The following CASR variants were observed in gnomAD, a reference collection of about 807,000 sequenced individuals.
CASR encodes the protein calcium sensing receptor.
Under a neutral mutation model 69.1 loss-of-function variants are expected in CASR, and 23 were observed. The ratio of observed to expected loss-of-function variants is 0.33; its 90% CI spans 0.24 to 0.47. The LOEUF is 0.47. Ranked by LOEUF, CASR falls within the 20% of genes least tolerant of loss-of-function variation. The pLI is 1.00. For synonymous variants in CASR, 541 were observed against 544.7 expected, an observed-to-expected ratio of 0.99 and a Z score of 0.10; for missense variants, 924 against 1,356.1, an observed-to-expected ratio of 0.68 and a Z score of 5.00.
intron 1 of CASR, among the ~76,000 whole-genome samples, chr3:122,210,594 A>C (rs4678120): frequency 0.9 from 137,203 of 151,996 alleles, 62,364 homozygotes; most frequent in Admixed American, 0.93. Flanking sequence ...AGAGAGGACA[A>C]AAACAAATAT....
chr3:122,258,751 G>A (rs550514170), intron 3 of CASR, among the ~76,000 whole-genome samples: 4 of 152,112 alleles, frequency 2.6e-5, no homozygotes, highest in African/African-American at 9.7e-5. Flanking sequence ...TACAGTAGGG[G>A]TTCTCTGCCA....
In CASR at chr3:122,285,210, G is replaced by C; in HGVS notation, c.*19G>C. 6.2e-7 allele frequency: 1 copy of C among 1,611,748 alleles called. No homozygotes were observed. ...TTCATAAAATGGAAGGAGAAGACTGGGCTAGGGAGAATGCAGAGAGGTTTC... is the reference window on the plus strand; with the variant it reads ...TTCATAAAATGGAAGGAGAAGACTGCGCTAGGGAGAATGCAGAGAGGTTTC... On this transcript the variant is annotated 3_prime_UTR_variant, in exon 7 of 7. Transcript: ENST00000639785.
chr3:122,283,877 C>A lies in CASR; in HGVS notation c.1923C>A (p.Pro641=). ...LGVFIKFRNT[P]IVKATNRELS... The stretch of plus-strand genomic sequence containing the variant: ...TGTTTATCAAGTTCCGCAACACACC[C>A]ATTGTCAAGGCCACCAACCGAGAGC... The change falls in exon 7 of 7, where the codon CCC becomes CCA. Residue 641 remains proline, a synonymous_variant. Coordinates refer to ENST00000639785, the MANE Select transcript of CASR (RefSeq NM_000388.4). The A allele has an allele frequency of 1.2e-6, 2 of 1,613,882 alleles. No homozygotes were observed. Among genetic ancestry groups the A allele is most frequent in the East Asian group, 2.2e-5 (1 of 44,874 alleles).
chr3:122,246,930 G>A (rs1203997091), intron 1 of CASR: 1 of 152,228 alleles, frequency 6.6e-6, no homozygotes, highest in Non-Finnish European at 1.5e-5. Context: ...ACCAGAGAAT[G>A]ACTTCAAAGT....
rs1339304346 is a variant in CASR, at chr3:122,283,919, C to T, written c.1965C>T (p.Leu655=). ...ACCGAGAGCTCTCCTACCTCCTCCTCTTCTCCCTGCTCTGCTGCTTCTCCA... is the reference window on the plus strand; with the variant it reads ...ACCGAGAGCTCTCCTACCTCCTCCTTTTCTCCCTGCTCTGCTGCTTCTCCA... ...ATNRELSYLL[L]FSLLCCFSSS... Residue 655 remains leucine, a synonymous_variant, in exon 7 of 7, where the codon CTC becomes CTT. Coordinates refer to ENST00000639785, the MANE Select transcript of CASR (RefSeq NM_000388.4). The T allele has an allele frequency of 7.4e-6, 12 of 1,613,636 alleles. No homozygotes were observed. The highest frequency in any genetic ancestry group is 1.7e-5 in the Admixed American group (1 of 60,010).
chr3:122,280,326 A>G (rs2074873601), intron 5 of CASR, among the ~76,000 whole-genome samples: 1 of 152,322 alleles, frequency 6.6e-6, no homozygotes, highest in East Asian at 1.9e-4. Flanking sequence ...CACCACTCTT[A>G]TTCAACATAA....
chr3:122,247,713 G>A (rs374951403), intron 1 of CASR: 24 of 152,416 alleles, frequency 1.6e-4, no homozygotes, highest in East Asian at 1.2e-3. Context: ...TCCAGGCCGC[G>A]GATGGGACAG....
intron 1 of CASR, among the ~76,000 whole-genome samples, chr3:122,203,439 A>T (rs562609306): frequency 6.6e-6 from 1 of 152,250 alleles, no homozygotes; most frequent in Non-Finnish European, 1.5e-5. Flanking sequence ...AATTGCTCCT[A>T]GGCTACAAAC....
In CASR at chr3:122,271,313, T is replaced by A. The variant is rs528562036; in HGVS notation, c.1378-4499T>A. On this transcript the variant is annotated intron_variant, in intron 4 of 6. Coordinates refer to ENST00000639785, the MANE Select transcript of CASR (RefSeq NM_000388.4). ...CAGTTCCTGCTTTAGAGAAGTTTGGTCTAATGAAGTGTGGGTACAACATTC... is the reference window on the plus strand; with the variant it reads ...CAGTTCCTGCTTTAGAGAAGTTTGGACTAATGAAGTGTGGGTACAACATTC... 3.3e-5 allele frequency among the ~76,000 whole-genome samples: 5 copies of A among 152,330 alleles called. No homozygotes were observed. The South Asian group carries it at 1.0e-3, about 32-fold the overall frequency.
intron 1 of CASR, among the ~76,000 whole-genome samples, chr3:122,190,111 G>A (rs974406622): frequency 1.3e-5 from 2 of 152,112 alleles, no homozygotes; most frequent in Admixed American, 1.3e-4. Context: ...ATGGTGGTGG[G>A]AGTGACACTC....
At chr3:122,250,061 T>C (rs2074467556) in intron 1 of CASR, among the ~76,000 whole-genome samples, 2 of 151,850 alleles carry the variant, frequency 1.3e-5, no homozygotes, top group African/African-American at 4.8e-5. Flanking sequence ...CAACCAGGAG[T>C]CAAGTACAAA....
At position 122,261,563 on chromosome 3, in the gene CASR, C is replaced by G. The variant is rs762352492; in HGVS notation, c.528C>G (p.Asn176Lys). 5 of 1,614,106 alleles carry G rather than the reference C, an allele frequency of 3.1e-6. No homozygotes were observed. Among genetic ancestry groups the G allele is most frequent in the Non-Finnish European group, 1.7e-6 (2 of 1,180,048 alleles). Residue 176 changes from asparagine to lysine, a missense_variant, in exon 4 of 7, where the codon AAC (asparagine) becomes AAG (lysine). Physicochemically the swap from Asn to Lys is moderately conservative, Grantham distance 94. Transcript: ENST00000639785. ...CCTCCTCCAGCAGACTCCTCAGCAA[C>G]AAGAATCAATTCAAGTCTTTCCTCC... ...SYASSSRLLSNKNQFKSFLRT... is the reference protein window; with the variant it reads ...SYASSSRLLSKKNQFKSFLRT...
chr3:122,252,445 GA>G (rs373304569), intron 1 of CASR, among the ~76,000 whole-genome samples: 100 of 67,778 alleles, frequency 1.5e-3, no homozygotes, highest in East Asian at 4.7e-3. Flanking sequence ...AAGAAAGAAA[GA>G]AAAAAAAGAA....
intron 4 of CASR, among the ~76,000 whole-genome samples, chr3:122,268,849 ACT>A (rs1419170858): frequency 6.6e-6 from 1 of 152,118 alleles, no homozygotes; most frequent in Non-Finnish European, 1.5e-5. Context: ...TGGTCAGAAA[ACT>A]CTCACACAAG....
intron 1 of CASR, among the ~76,000 whole-genome samples, chr3:122,204,837 A>AT (rs2073991081): frequency 6.6e-6 from 1 of 152,038 alleles, no homozygotes; most frequent in Non-Finnish European, 1.5e-5. Flanking sequence ...GATGTTGAGT[A>AT]TTTTTTCATA....
intron 1 of CASR, among the ~76,000 whole-genome samples, chr3:122,206,398 A>G (rs1174736962): frequency 6.6e-6 from 1 of 151,926 alleles, no homozygotes; most frequent in Non-Finnish European, 1.5e-5. Flanking sequence ...AGTATGTGGA[A>G]CCATCCTTGC....
intron 1 of CASR, among the ~76,000 whole-genome samples, chr3:122,190,258 G>A (rs1402506080): frequency 1.3e-5 from 2 of 152,170 alleles, no homozygotes; most frequent in Admixed American, 6.5e-5. Flanking sequence ...AGTGCTTGTC[G>A]ATTAAGAGAT....
intron 1 of CASR, among the ~76,000 whole-genome samples, chr3:122,189,026 T>C (rs924368135): frequency 2.6e-5 from 4 of 152,226 alleles, no homozygotes; most frequent in African/African-American, 9.6e-5. Context: ...TGATTAAGGG[T>C]GTGCTTTTGG....
chr3:122,264,582 G>A (rs918077215), intron 4 of CASR, among the ~76,000 whole-genome samples: 1 of 152,136 alleles, frequency 6.6e-6, no homozygotes, highest in African/African-American at 2.4e-5. Flanking sequence ...CCATGGCCCA[G>A]GTAAAGATAT....
Sources: gnomAD v4.1 joint callset for allele counts (sites outside exome capture counted in the v4.1 genomes callset) on GRCh38, gnomAD v4.1.1 for gene constraint, MANE v1.5 for transcripts, NCBI Gene and HGNC (gene_info 2026-07-23, HGNC 2026-07-21) for gene names.